Variants in PTPN2 observed in about 807,000 individuals in gnomAD.
PTPN2 encodes protein tyrosine phosphatase non-receptor type 2, also known as tyrosine-protein phosphatase non-receptor type 2.
PTPN2 carries 19 observed loss-of-function variants against 57.3 expected under a neutral mutation model. The observed-to-expected ratio is 0.33, with a 90% CI of 0.23 to 0.49. The LOEUF (loss-of-function observed/expected upper bound fraction) is 0.49. Ranked by LOEUF, PTPN2 falls within the 20% of genes least tolerant of loss-of-function variation. PTPN2 has a pLI of 0.99. For synonymous variants in PTPN2, 153 were observed against 164.9 expected, an observed-to-expected ratio of 0.93 and a Z score of 0.55; for missense variants, 358 against 501.1, an observed-to-expected ratio of 0.71 and a Z score of 2.73.
chr18:12,844,204 C>A (rs1245605563), intron 2 of PTPN2, among the ~76,000 whole-genome samples: 1 of 152,198 alleles, frequency 6.6e-6, no homozygotes, highest in East Asian at 1.9e-4. Flanking sequence ...TGGGTTGTTT[C>A]GAATCTGGGG....
chr18:12,801,517 T>C (rs1234855073), intron 8 of PTPN2, among the ~76,000 whole-genome samples: 1 of 151,634 alleles, frequency 6.6e-6, no homozygotes, highest in Non-Finnish European at 1.5e-5. Flanking sequence ...ATTAATTCAA[T>C]AAAAAAAAGG....
intron 1 of PTPN2, among the ~76,000 whole-genome samples, chr18:12,875,102 G>A (rs982975286): frequency 6.6e-6 from 1 of 152,100 alleles, no homozygotes; most frequent in Non-Finnish European, 1.5e-5. Context: ...ACAGATGCTT[G>A]AAGGCAGCAT....
chr18:12,833,083 C>T (rs1333513016), intron 3 of PTPN2, among the ~76,000 whole-genome samples: 1 of 152,248 alleles, frequency 6.6e-6, no homozygotes, highest in Non-Finnish European at 1.5e-5. Flanking sequence ...AGCCACTACG[C>T]CCAGCCATAG....
rs539923088 is a variant in PTPN2 at position 12,866,873 on chromosome 18, T to C, written c.70-7619A>G. On this transcript the variant is annotated intron_variant, in intron 1 of 8. Coordinates refer to ENST00000309660, the MANE Select transcript of PTPN2 (RefSeq NM_002828.4). ...ACAAAAAATTAGCTGGCCATGGTGG[T>C]GGGCACCTGTAGTCCCAGCTACTCG... is the stretch of plus-strand genomic sequence containing the variant. 4.0e-5 allele frequency among the ~76,000 whole-genome samples: 6 copies of C among 151,610 alleles called. No individual in the cohort carries two copies. The South Asian group carries it at 1.0e-3, about 26-fold the overall frequency.
In PTPN2 at chr18:12,793,156, T is replaced by C. The variant is rs1017556823; in HGVS notation, c.*1122A>G. ...GACAAATTAAACACTGAATGGAATG[T>C]TGAAATCTGAGGAAAGCTAGCATTC... On this transcript the variant is annotated 3_prime_UTR_variant, in exon 9 of 9. Transcript: ENST00000309660. 28 of 985,348 alleles carry C rather than the reference T, an allele frequency of 2.8e-5. No individual in the cohort carries two copies. In the East Asian group the frequency reaches 2.0e-3, roughly 71 times the overall value. 61.0% of individuals were successfully genotyped at this position (985,348 alleles called of 1,614,324 possible).
chr18:12,865,811 C>G (rs62097859), intron 1 of PTPN2, among the ~76,000 whole-genome samples: 3 of 150,808 alleles, frequency 2.0e-5, no homozygotes, highest in Admixed American at 2.0e-4. Context: ...CCACCCCACT[C>G]CCAAAAAAAA....
intron 6 of PTPN2, among the ~76,000 whole-genome samples, chr18:12,816,339 A>G (rs1211464832): frequency 6.6e-6 from 1 of 152,150 alleles, no homozygotes; most frequent in Non-Finnish European, 1.5e-5. Context: ...ACTGAATACC[A>G]GGACAAGCTA....
At position 12,810,095 on chromosome 18, in the gene PTPN2, T is replaced by C. The variant is rs1375287442; in HGVS notation, c.858+4108A>G. On this transcript the variant is annotated intron_variant, in intron 7 of 8. Transcript: ENST00000309660. The stretch of plus-strand genomic sequence containing the variant: ...TACTTGGGAGGCTGAGGTAGAAGAA[T>C]TGCTTGAACCCGGGAGGCCGAGGTT... Among the ~76,000 whole-genome samples the C allele has an allele frequency of 3.3e-5, 5 of 152,178 alleles. No homozygotes were observed. The South Asian group carries it at 6.2e-4, about 19-fold the overall frequency.
At chr18:12,873,221 A>AAG (rs1002588252) in intron 1 of PTPN2, among the ~76,000 whole-genome samples, 1 of 149,752 alleles carries the variant, frequency 6.7e-6, no homozygotes, top group African/African-American at 2.5e-5. Flanking sequence ...ACTCCGTCTC[A>AAG]AGAAAAAAAA....
chr18:12,810,221 A>G (rs1157692147), intron 7 of PTPN2, among the ~76,000 whole-genome samples: 1 of 151,194 alleles, frequency 6.6e-6, no homozygotes, highest in African/African-American at 2.4e-5. Flanking sequence ...AAAATTAGCC[A>G]GGCATGGTGG....
chr18:12,857,969 T>C lies in PTPN2; in HGVS notation c.160+1195A>G, dbSNP rs1007659010. ...TCAGCCAATACACCCTTCTTGGAAATGTATTTGGTCAACATAAGAAAAACA... is the reference window on the plus strand; with the variant it reads ...TCAGCCAATACACCCTTCTTGGAAACGTATTTGGTCAACATAAGAAAAACA... On this transcript the variant is annotated intron_variant, in intron 2 of 8. Coordinates refer to ENST00000309660, the MANE Select transcript of PTPN2 (RefSeq NM_002828.4). Among the ~76,000 whole-genome samples, 124 of 152,336 alleles carry C rather than the reference T, an allele frequency of 8.1e-4. 1 individual carries two copies. The highest frequency in any genetic ancestry group is 2.9e-3 in the African/African-American group (122 of 41,570).
At chr18:12,841,133 G>T in intron 2 of PTPN2, 1 of 339,670 alleles carries the variant, frequency 2.9e-6, no homozygotes. Flanking sequence ...GAAGGAGCTT[G>T]AGTAGTTGCT....
intron 6 of PTPN2, among the ~76,000 whole-genome samples, chr18:12,814,993 A>G (rs2145306876): frequency 6.6e-6 from 1 of 152,132 alleles, no homozygotes; most frequent in South Asian, 2.1e-4. Flanking sequence ...CTGAGGCTGG[A>G]GAATCGCCTG....
At chr18:12,808,141 C>T (rs8096138) in intron 7 of PTPN2, among the ~76,000 whole-genome samples, 5 of 152,036 alleles carry the variant, frequency 3.3e-5, no homozygotes, top group African/African-American at 1.2e-4. Flanking sequence ...GAGCCATGAT[C>T]GTGCCACTGT....
intron 8 of PTPN2, among the ~76,000 whole-genome samples, chr18:12,795,818 CTTTT>C (rs1434155290): frequency 6.6e-6 from 1 of 152,126 alleles, no homozygotes; most frequent in East Asian, 1.9e-4. Context: ...TCCATTCCCT[CTTTT>C]CACTTTTCTG....
At chr18:12,817,484 A>G in intron 5 of PTPN2, 119 bp from the exon 6 acceptor site, 1 of 744,622 alleles carries the variant, frequency 1.3e-6, no homozygotes, top group Non-Finnish European at 2.2e-6. Flanking sequence ...TTATACTATG[A>G]TTTTTCCATT....
At chr18:12,815,594 G>C (rs1303829237) in intron 6 of PTPN2, among the ~76,000 whole-genome samples, 4 of 152,146 alleles carry the variant, frequency 2.6e-5, no homozygotes, top group Non-Finnish European at 5.9e-5. Flanking sequence ...AATTGTTGAA[G>C]TTATAGTTGG....
At chr18:12,868,412 G>C (rs997596802) in intron 1 of PTPN2, among the ~76,000 whole-genome samples, 1 of 151,858 alleles carries the variant, frequency 6.6e-6, no homozygotes, top group Non-Finnish European at 1.5e-5. Flanking sequence ...ACATCACCAT[G>C]CCTGGCTAAT....
Position 12,884,184 on chromosome 18 carries a change from G to A in PTPN2, c.-43C>T, listed in dbSNP as rs1344900769. 3.3e-6 allele frequency: 5 copies of A among 1,512,272 alleles called. No individual in the cohort carries two copies. Among genetic ancestry groups the A allele is most frequent in the Admixed American group, 3.9e-5 (2 of 51,172 alleles). The allele number at this position is 1,512,272 out of a possible 1,614,324, so 93.7% of individuals were successfully genotyped here. A position where few individuals can be genotyped will look rare whatever the true frequency, so the allele number is the denominator to read the frequency against. On this transcript the variant is annotated 5_prime_UTR_variant, in exon 1 of 9. Coordinates refer to ENST00000309660, the MANE Select transcript of PTPN2 (RefSeq NM_002828.4). Reference sequence around the variant, plus strand: ...GGCGCGAGCAGAGCCTGCGCCGGCGGAGAGGCTCAGGCCCCGCACGATCCG... The same window carrying A: ...GGCGCGAGCAGAGCCTGCGCCGGCGAAGAGGCTCAGGCCCCGCACGATCCG...
Sources: gnomAD v4.1 joint callset for allele counts (sites outside exome capture counted in the v4.1 genomes callset) on GRCh38, gnomAD v4.1.1 for gene constraint, MANE v1.5 for transcripts, NCBI Gene and HGNC (gene_info 2026-07-23, HGNC 2026-07-21) for gene names.